The following CSNK1G1 variants were observed in gnomAD, a reference collection of about 807,000 sequenced individuals.
CSNK1G1 encodes the protein casein kinase I isoform gamma-1.
CSNK1G1 carries 22 observed loss-of-function variants against 59.6 expected under a neutral mutation model. The observed-to-expected ratio is 0.37, with a 90% CI of 0.26 to 0.53. The LOEUF (loss-of-function observed/expected upper bound fraction) is 0.53, where lower values mean the gene tolerates loss of function less well. Among genes scored for constraint, CSNK1G1 ranks in the 20% least tolerant of loss-of-function variants. The pLI is 0.89. For missense variants in CSNK1G1, 384 were observed against 519.5 expected (o/e 0.74, Z 2.54); for synonymous variants, 179 against 177.1 (o/e 1.01, Z -0.08).
intron 1 of CSNK1G1, among the ~76,000 whole-genome samples, chr15:64,316,325 C>T (rs1048063104): frequency 6.6e-6 from 1 of 151,920 alleles, no homozygotes; most frequent in African/African-American, 2.4e-5. Flanking sequence ...TCACTTGAGG[C>T]CAGGAGTTCA....
At chr15:64,238,494 TA>T (rs1169739046) in intron 4 of CSNK1G1, among the ~76,000 whole-genome samples, 284 of 56,388 alleles carry the variant, frequency 5.0e-3, no homozygotes, top group Middle Eastern at 0.018. Context: ...CCCTGTCCCT[TA>T]AAAAAAAAAA....
At chr15:64,286,201 G>A (rs1207449061) in intron 2 of CSNK1G1, among the ~76,000 whole-genome samples, 1 of 151,988 alleles carries the variant, frequency 6.6e-6, no homozygotes. Context: ...TGTCTTATTT[G>A]TGCAGGTTTT....
At position 64,204,966 on chromosome 15, in the gene CSNK1G1, G is replaced by C. The variant is rs1161678954; in HGVS notation, c.766-17C>G. 6.8e-7 allele frequency: 1 copy of C among 1,480,464 alleles called. No individual in the cohort carries two copies. The highest frequency in any genetic ancestry group is 9.4e-7 in the Non-Finnish European group (1 of 1,068,474). 91.7% of individuals were successfully genotyped at this position (1,480,464 alleles called of 1,614,324 possible). ...TGTGTCAGCCTGTAGAGAGTAAAGA[G>C]AGAAAGTTACTTTAAAAGAGGGCCT... On this transcript the variant is annotated splice_polypyrimidine_tract_variant and intron_variant, in intron 7 of 11. Transcript: ENST00000303052.
chr15:64,339,099 G>A (rs1004406991), intron 1 of CSNK1G1, among the ~76,000 whole-genome samples: 6 of 152,170 alleles, frequency 3.9e-5, no homozygotes, highest in East Asian at 1.9e-4. Flanking sequence ...GAGAAAAGGG[G>A]CTACAGGAAA....
At chr15:64,353,477 T>C (rs1231449779) in intron 1 of CSNK1G1, among the ~76,000 whole-genome samples, 3 of 151,754 alleles carry the variant, frequency 2.0e-5, no homozygotes, top group Non-Finnish European at 2.9e-5. Context: ...ACACTTCGTC[T>C]CTACTAAAAA....
At chr15:64,279,176 A>G (rs1228243403) in intron 2 of CSNK1G1, among the ~76,000 whole-genome samples, 1 of 152,234 alleles carries the variant, frequency 6.6e-6, no homozygotes, top group African/African-American at 2.4e-5. Flanking sequence ...TTAACTGTAG[A>G]GCTCGGTGAA....
At position 64,336,734 on chromosome 15, in the gene CSNK1G1, T is replaced by G. The variant is rs148179667; in HGVS notation, c.-225+19254A>C. Among the ~76,000 whole-genome samples, 509 of 152,316 alleles carry G rather than the reference T, an allele frequency of 3.3e-3. 4 individuals are homozygous for G. Among genetic ancestry groups the G allele is most frequent in the African/African-American group, 0.012 (493 of 41,572 alleles). ...ATTAGAGAGGAAGTTTACAGGTTAG[T>G]AACAGTTCATGGAAAACTCAGTTTT... is the stretch of plus-strand genomic sequence containing the variant. On this transcript the variant is annotated intron_variant, in intron 1 of 11. Coordinates refer to ENST00000303052, the MANE Select transcript of CSNK1G1 (RefSeq NM_022048.5).
intron 10 of CSNK1G1, among the ~76,000 whole-genome samples, chr15:64,191,796 T>C (rs2081975855): frequency 6.6e-6 from 1 of 152,220 alleles, no homozygotes; most frequent in Non-Finnish European, 1.5e-5. Flanking sequence ...TCTGTATCTG[T>C]TGAAAACATC....
Position 64,345,972 on chromosome 15 carries a change from G to GCTT in CSNK1G1, c.-225+10015_-225+10016insAAG, listed in dbSNP as rs1242024765. Among the ~76,000 whole-genome samples the GCTT allele has an allele frequency of 1.6e-3, 236 of 152,162 alleles. 1 individual carries two copies. The highest frequency in any genetic ancestry group is 5.5e-3 in the African/African-American group (230 of 41,532). On this transcript the variant is annotated intron_variant, in intron 1 of 11. Coordinates refer to ENST00000303052, the MANE Select transcript of CSNK1G1 (RefSeq NM_022048.5). The stretch of plus-strand genomic sequence containing the variant: ...CACCCAGCTAATTTTTGTATTTTTA[G>GCTT]TAGAAACGGGGTTTCACCTTGTTGG...
intron 3 of CSNK1G1, 194 bp downstream of exon 3, chr15:64,259,003 TTAAC>T (rs1892545052): frequency 2.6e-6 from 1 of 388,382 alleles, no homozygotes; most frequent in South Asian, 1.2e-4. Context: ...TTAGTATCAT[TTAAC>T]TATATAGTGT....
At chr15:64,205,918 C>T (rs2082172393) in intron 7 of CSNK1G1, among the ~76,000 whole-genome samples, 1 of 152,180 alleles carries the variant, frequency 6.6e-6, no homozygotes, top group Non-Finnish European at 1.5e-5. Context: ...CAAAATGAAC[C>T]ATCCTGCCTT....
intron 10 of CSNK1G1, among the ~76,000 whole-genome samples, chr15:64,199,801 C>T (rs919481106): frequency 3.3e-5 from 5 of 151,670 alleles, no homozygotes; most frequent in East Asian, 1.9e-4. Flanking sequence ...TGCAGTGACG[C>T]GAGATCGCGC....
Position 64,259,401 on chromosome 15 carries a change from C to A in CSNK1G1, c.182-160G>T, listed in dbSNP as rs1466463492. On this transcript the variant is annotated intron_variant, in intron 2 of 11. Coordinates refer to ENST00000303052, the MANE Select transcript of CSNK1G1 (RefSeq NM_022048.5). ...CGAAAAGCTACAGAGATAATGAGAT[C>A]TAGCAAGGCTAGAACAGCTTGAAAA... Among the ~76,000 whole-genome samples the A allele has an allele frequency of 2.0e-5, 3 of 151,166 alleles. No individual in the cohort carries two copies. In the East Asian group the frequency reaches 5.8e-4, roughly 29 times the overall value.
chr15:64,311,892 A>G (rs1896018047), intron 1 of CSNK1G1, among the ~76,000 whole-genome samples: 1 of 152,104 alleles, frequency 6.6e-6, no homozygotes, highest in South Asian at 2.1e-4. Context: ...AATCTCCTTA[A>G]GCTGATAAGC....
At chr15:64,314,721 C>A (rs1022769847) in intron 1 of CSNK1G1, among the ~76,000 whole-genome samples, 1 of 152,096 alleles carries the variant, frequency 6.6e-6, no homozygotes, top group Non-Finnish European at 1.5e-5. Context: ...AGTAAGAACA[C>A]GCGGTGTTTG....
chr15:64,183,990 T>C (rs1390880647), intron 10 of CSNK1G1, among the ~76,000 whole-genome samples: 1 of 152,132 alleles, frequency 6.6e-6, no homozygotes, highest in Non-Finnish European at 1.5e-5. Context: ...GGCTGGTATT[T>C]TTTTTCTATT....
chr15:64,191,144 C>T (rs1379111295), intron 10 of CSNK1G1, among the ~76,000 whole-genome samples: 7 of 152,184 alleles, frequency 4.6e-5, no homozygotes, highest in Non-Finnish European at 2.9e-5. Context: ...TCACTGCAAG[C>T]TCCGCCTCCC....
At chr15:64,248,339 C>T (rs1038212824) in intron 4 of CSNK1G1, among the ~76,000 whole-genome samples, 4 of 152,150 alleles carry the variant, frequency 2.6e-5, no homozygotes, top group African/African-American at 9.7e-5. Flanking sequence ...AAATAAATTT[C>T]CTTTTTTTAA....
intron 4 of CSNK1G1, among the ~76,000 whole-genome samples, chr15:64,238,261 C>T (rs184540638): frequency 9.9e-4 from 149 of 151,208 alleles, no homozygotes; most frequent in African/African-American, 3.2e-3. Context: ...TAGGTATATA[C>T]GCACATAAAA....
Sources: gnomAD v4.1 joint callset for allele counts (sites outside exome capture counted in the v4.1 genomes callset) on GRCh38, gnomAD v4.1.1 for gene constraint, MANE v1.5 for transcripts, NCBI Gene and HGNC (gene_info 2026-07-23, HGNC 2026-07-21) for gene names.